Variants in FASTKD3 observed in about 807,000 individuals in gnomAD.
FASTKD3 encodes the protein FAST kinase domain-containing protein 3, mitochondrial.
Under a neutral mutation model 49.7 loss-of-function variants are expected in FASTKD3, and 47 were observed. The observed-to-expected ratio is 0.95, with a 90% CI of 0.75 to 1.21. The LOEUF is 1.21. FASTKD3 is among the 50% of genes most tolerant of loss of function. The pLI is 0.00. For missense variants in FASTKD3, 748 were observed against 765.7 expected (o/e 0.98, Z 0.27); for synonymous variants, 284 against 288.6 (o/e 0.98, Z 0.16).
In FASTKD3 at chr5:7,867,871, A is replaced by C; in HGVS notation, c.213T>G (p.Asn71Lys). The change falls in exon 2 of 7, where the codon AAT becomes AAG. Residue 71 changes from asparagine (N) to lysine (K), a missense_variant. Coordinates refer to ENST00000264669, the MANE Select transcript of FASTKD3 (RefSeq NM_024091.4). ...CTGGTCCACCGAGTGGATGAAGGTC[A>C]TTTCCATTTTTCGAATGAAACTTTT... ...HCKKFHSKNG[N>K]DLHPLGGPVF... 1.2e-6 allele frequency: 2 copies of C among 1,614,220 alleles called. No individual in the cohort carries two copies. Among genetic ancestry groups the C allele is most frequent in the Non-Finnish European group, 1.7e-6 (2 of 1,180,040 alleles).
chr5:7,861,814 T>G, intron 4 of FASTKD3, 162 bp from the exon 5 acceptor site: 1 of 1,341,216 alleles, frequency 7.5e-7, no homozygotes, highest in Non-Finnish European at 9.6e-7. Flanking sequence ...GTGAGAATTT[T>G]AATTCAATTG....
intron 6 of FASTKD3, among the ~76,000 whole-genome samples, chr5:7,860,244 A>G (rs1292977952): frequency 2.0e-5 from 3 of 152,234 alleles, no homozygotes; most frequent in Non-Finnish European, 4.4e-5. Context: ...AGCAGATATG[A>G]AACCACAGTG....
rs747265610 is a variant in FASTKD3 at position 7,868,102 on chromosome 5, T to C, written c.-19A>G. 3.3e-6 allele frequency: 5 copies of C among 1,532,968 alleles called. No individual in the cohort carries two copies. The South Asian group carries it at 6.2e-5, about 19-fold the overall frequency. 95.0% of individuals were successfully genotyped at this position (1,532,968 alleles called of 1,614,324 possible). Reference sequence around the variant, plus strand: ...ATGCCATACCATCAGATTCTCAATTTGATAACTAAATTAAAAAATTTAAAA... The same window carrying C: ...ATGCCATACCATCAGATTCTCAATTCGATAACTAAATTAAAAAATTTAAAA... On this transcript the variant is annotated 5_prime_UTR_variant, in exon 2 of 7. Transcript: ENST00000264669.
intron 1 of FASTKD3, 85 bp downstream of exon 1, chr5:7,868,894 G>A (rs1196956012): frequency 1.4e-5 from 8 of 584,026 alleles, no homozygotes; most frequent in Non-Finnish European, 2.2e-5. Flanking sequence ...GACACGGGCC[G>A]GGCGGCGCAG....
At chr5:7,868,738 C>A (rs570769902) in intron 1 of FASTKD3, among the ~76,000 whole-genome samples, 8 of 152,318 alleles carry the variant, frequency 5.3e-5, no homozygotes, top group Admixed American at 2.6e-4. Context: ...GGCGGCCAGT[C>A]CAGATCTAAA....
intron 3 of FASTKD3, among the ~76,000 whole-genome samples, chr5:7,864,248 C>T (rs181199542): frequency 4.9e-4 from 75 of 152,196 alleles, no homozygotes; most frequent in African/African-American, 1.6e-3. Context: ...ACAATGTATA[C>T]ATATTTCAAA....
intron 6 of FASTKD3, among the ~76,000 whole-genome samples, chr5:7,860,096 G>T (rs1746425816): frequency 6.6e-6 from 1 of 152,160 alleles, no homozygotes; most frequent in African/African-American, 2.4e-5. Flanking sequence ...CCATTGGAGG[G>T]TCTTGAATGT....
In FASTKD3 at chr5:7,859,409, C is replaced by T. The variant is rs745770214; in HGVS notation, c.*26G>A. ...AGTTCCATAAAAATGCAAGTTCTTC[C>T]ATTGTTTGAGTTCTGAAGTCAGTAT... On this transcript the variant is annotated 3_prime_UTR_variant, in exon 7 of 7. Transcript: ENST00000264669. 13 of 1,418,366 alleles carry T rather than the reference C, an allele frequency of 9.2e-6. No individual in the cohort carries two copies. The highest frequency in any genetic ancestry group is 1.3e-5 in the South Asian group (1 of 78,182). 87.9% of individuals were successfully genotyped at this position (1,418,366 alleles called of 1,614,324 possible).
chr5:7,866,832 G>C lies in FASTKD3; in HGVS notation c.1252C>G (p.Leu418Val). 2 of 1,614,080 alleles carry C rather than the reference G, an allele frequency of 1.2e-6. No homozygotes were observed. Among genetic ancestry groups the C allele is most frequent in the Non-Finnish European group, 1.7e-6 (2 of 1,180,006 alleles). ...ISALMEPFGK[L>V]NYLPPNASAL... ...GAGGCATTTGGTGGCAAATAATTGA[G>C]TTTCCCAAATGGTTCCATTAAGGCA... The change falls in exon 2 of 7, where the codon CTC becomes GTC. Residue 418 changes from leucine (L) to valine (V), a missense_variant. Leu to Val is a conservative substitution (Grantham distance 32). Transcript: ENST00000264669.
chr5:7,864,454 ACAT>A (rs1409857653), intron 3 of FASTKD3, among the ~76,000 whole-genome samples: 1 of 152,208 alleles, frequency 6.6e-6, no homozygotes, highest in Non-Finnish European at 1.5e-5. Context: ...ATTTAAAAAT[ACAT>A]CATAAGTAAT....
At chr5:7,861,806 G>A (rs1240256353) in intron 4 of FASTKD3, 154 bp from the exon 5 acceptor site, 8 of 1,354,744 alleles carry the variant, frequency 5.9e-6, no homozygotes, top group South Asian at 1.9e-5. Flanking sequence ...AAACAATGGT[G>A]AGAATTTTAA....
At chr5:7,860,754 G>A (rs1746480253) in intron 6 of FASTKD3, among the ~76,000 whole-genome samples, 1 of 152,200 alleles carries the variant, frequency 6.6e-6, no homozygotes, top group Non-Finnish European at 1.5e-5. Flanking sequence ...TTTGCTTAAA[G>A]TGCAAATGTT....
chr5:7,859,799 C>G (rs1281041338), intron 6 of FASTKD3, among the ~76,000 whole-genome samples: 1 of 152,140 alleles, frequency 6.6e-6, no homozygotes, highest in Non-Finnish European at 1.5e-5. Flanking sequence ...CTCTTGTTCT[C>G]CAGGAGTTCA....
chr5:7,861,447 CA>C (rs1458006892), intron 5 of FASTKD3, 135 bp downstream of exon 5: 20 of 649,426 alleles, frequency 3.1e-5, no homozygotes, highest in South Asian at 7.9e-5. Flanking sequence ...AGGAATTTCC[CA>C]ACATGGTATT....
Position 7,867,107 on chromosome 5 carries a change from A to G in FASTKD3, c.977T>C (p.Val326Ala). The change falls in exon 2 of 7, where the codon GTC (valine) becomes GCC (alanine). Residue 326 changes from valine to alanine, a missense_variant. Transcript: ENST00000264669. The part of the protein sequence containing the change: ...IKLGKYVVRH[V>A]PHFTNEELRR... ...AAGCTCCTCGTTAGTGAAATGTGGGACATGCCTCACGACATATTTGCCCAA... is the reference window on the plus strand; with the variant it reads ...AAGCTCCTCGTTAGTGAAATGTGGGGCATGCCTCACGACATATTTGCCCAA... 6.2e-7 allele frequency: 1 copy of G among 1,614,206 alleles called. No individual in the cohort carries two copies.
Position 7,868,210 on chromosome 5 carries a change from A to T in FASTKD3, c.-113-14T>A. The stretch of plus-strand genomic sequence containing the variant: ...ACAAACGAGTATCTGGAAAAAAAAA[A>T]AAAAAAAAAAAAAGGATGGTTAACA... On this transcript the variant is annotated splice_polypyrimidine_tract_variant and intron_variant, in intron 1 of 6. Transcript: ENST00000264669. 1 of 628,038 alleles carries T rather than the reference A, an allele frequency of 1.6e-6. No homozygotes were observed. Among genetic ancestry groups the T allele is most frequent in the East Asian group, 2.9e-5 (1 of 34,496 alleles). The allele number at this position is 628,038 out of a possible 1,614,324, so 38.9% of individuals were successfully genotyped here.
Position 7,867,028 on chromosome 5 carries a change from T to C in FASTKD3, c.1056A>G (p.Thr352=), listed in dbSNP as rs758796404. 1 of 1,614,170 alleles carries C rather than the reference T, an allele frequency of 6.2e-7. No homozygotes were observed. The change falls in exon 2 of 7, where the codon ACA becomes ACG. Residue 352 remains threonine (T), a synonymous_variant. Transcript: ENST00000264669. ...CAGCTACACGATGCTCTAGGGCTTT[T>C]GTAAAAAATGTGTCATGGTGCCCAA... The part of the protein sequence containing the change: ...IYFGHHDTFF[T]KALEHRVAAV...
At chr5:7,860,014 G>T (rs1746418056) in intron 6 of FASTKD3, among the ~76,000 whole-genome samples, 1 of 152,162 alleles carries the variant, frequency 6.6e-6, no homozygotes, top group Non-Finnish European at 1.5e-5. Context: ...CGCAGCAAAG[G>T]AGAGAGTCTG....
rs1034070874 is a variant in FASTKD3 at position 7,860,728 on chromosome 5, T to C, written c.1884+421A>G. Among the ~76,000 whole-genome samples the C allele has an allele frequency of 3.9e-5, 6 of 152,254 alleles. 1 individual carries two copies. Among genetic ancestry groups the C allele is most frequent in the Non-Finnish European group, 7.3e-5 (5 of 68,042 alleles). ...TGAGCAGACCAAGCCAGTTGGGCCT[T>C]GAAAATAACCTTAACTTTGCTTAAA... On this transcript the variant is annotated intron_variant, in intron 6 of 6. Transcript: ENST00000264669.
Sources: allele counts gnomAD v4.1 joint callset (sites outside exome capture counted in the v4.1 genomes callset), GRCh38; gene constraint gnomAD v4.1.1; transcripts MANE v1.5; gene names NCBI Gene and HGNC (gene_info 2026-07-23, HGNC 2026-07-21).